The following IL1RAPL2 variants were observed in gnomAD, a reference collection of about 807,000 sequenced individuals.
The protein encoded by IL1RAPL2 is interleukin 1 receptor accessory protein like 2.
A neutral mutation model predicts 44.1 loss-of-function variants in IL1RAPL2; 3 were observed. The observed-to-expected ratio is 0.07, with a 90% CI of 0.03 to 0.18. The LOEUF is 0.18. Among genes scored for constraint, IL1RAPL2 ranks in the 10% least tolerant of loss-of-function variants. IL1RAPL2 has a pLI of 1.00. For synonymous variants in IL1RAPL2, 181 were observed against 178.8 expected, an observed-to-expected ratio of 1.01 and a Z score of -0.10; for missense variants, 391 against 496.4, an observed-to-expected ratio of 0.79 and a Z score of 2.02.
At chrX:105,461,994 A>G (rs1819025919) in intron 5 of IL1RAPL2, among the ~76,000 whole-genome samples, 1 of 111,054 alleles carries the variant, frequency 9.0e-6, no homozygotes, top group African/African-American at 3.3e-5. Flanking sequence ...GTTCTTGAAT[A>G]AGGAGGATGC....
At chrX:105,432,129 C>CTTTTTTTTTTTTTTTT (rs386417369) in intron 5 of IL1RAPL2, among the ~76,000 whole-genome samples, 1 of 44,837 alleles carries the variant, frequency 2.2e-5, no homozygotes, top group African/African-American at 9.2e-5. Context: ...TTCAATTTGC[C>CTTTTTTTTTTTTTTTT]TTTTTTTTTT....
chrX:105,431,453 CT>C (rs778311480), intron 5 of IL1RAPL2, among the ~76,000 whole-genome samples: 161 of 111,433 alleles, frequency 1.4e-3, no homozygotes, highest in African/African-American at 4.7e-3. Context: ...CATAACCTCC[CT>C]TATAGGTATT....
At chrX:105,631,258 G>T (rs934530134) in intron 6 of IL1RAPL2, among the ~76,000 whole-genome samples, 5 of 111,920 alleles carry the variant, frequency 4.5e-5, no homozygotes, top group African/African-American at 1.3e-4. Context: ...AGGCAAATAG[G>T]AGATGCCAGA....
chrX:105,548,777 C>T (rs960214610), intron 6 of IL1RAPL2, among the ~76,000 whole-genome samples: 1 of 111,590 alleles, frequency 9.0e-6, no homozygotes, highest in African/African-American at 3.3e-5. Context: ...TCATAGGTTG[C>T]TATGTGAGTT....
rs2035932585 is a variant in IL1RAPL2, at chrX:105,443,214, A to T, written c.698-41099A>T. 2.7e-5 allele frequency among the ~76,000 whole-genome samples: 3 copies of T among 112,027 alleles called. No individual in the cohort carries two copies. In the Admixed American group the frequency reaches 2.8e-4, roughly 11 times the overall value. ...TCTTTTTAAAATGTTTTAATTTTTAATTATTGTGGGTACATAGTAGCTGTA... is the reference window on the plus strand; with the variant it reads ...TCTTTTTAAAATGTTTTAATTTTTATTTATTGTGGGTACATAGTAGCTGTA... On this transcript the variant is annotated intron_variant, in intron 5 of 10. Coordinates refer to ENST00000372582, the MANE Select transcript of IL1RAPL2 (RefSeq NM_017416.2).
At position 105,012,674 on chromosome X, in the gene IL1RAPL2, C is replaced by CACACACACAGAG. The variant is rs1258556672; in HGVS notation, c.83-182800_83-182799insCACACACAGAGA. ...ACACACACACACACACACACACACA[C>CACACACACAGAG]AGAGAGAGAGAGAGAGAATAATAAA... On this transcript the variant is annotated intron_variant, in intron 2 of 10. Transcript: ENST00000372582. 2.5e-3 allele frequency among the ~76,000 whole-genome samples: 201 copies of CACACACACAGAG among 81,168 alleles called. 3 individuals carry two copies. Among genetic ancestry groups the CACACACACAGAG allele is most frequent in the African/African-American group, 0.011 (187 of 16,897 alleles). The allele number at this position is 81,168 out of a possible 115,157, so 70.5% of individuals were successfully genotyped here.
intron 6 of IL1RAPL2, among the ~76,000 whole-genome samples, chrX:105,484,754 TTAAAA>T (rs775006078): frequency 5.5e-4 from 21 of 37,965 alleles, no homozygotes; most frequent in South Asian, 2.9e-3. Context: ...CAAGCACTTC[TTAAAA>T]TAAAATACAG....
At chrX:105,289,528 C>T (rs781317176) in intron 5 of IL1RAPL2, among the ~76,000 whole-genome samples, 122 of 111,385 alleles carry the variant, frequency 1.1e-3, no homozygotes, top group East Asian at 0.011. Context: ...TTGTAGAGTT[C>T]CAGTTATATT....
At chrX:105,719,685 T>C (rs371785791) in intron 7 of IL1RAPL2, among the ~76,000 whole-genome samples, 19 of 110,391 alleles carry the variant, frequency 1.7e-4, no homozygotes, top group African/African-American at 5.3e-4. Flanking sequence ...CAAAGAATTG[T>C]ATACTTTTAA....
chrX:105,471,950 G>A (rs1602427200), intron 5 of IL1RAPL2, among the ~76,000 whole-genome samples: 1 of 110,906 alleles, frequency 9.0e-6, no homozygotes, highest in African/African-American at 3.3e-5. Context: ...AGATCAATTT[G>A]TCATAAGCTC....
chrX:105,713,206 C>T (rs62604976), intron 6 of IL1RAPL2, among the ~76,000 whole-genome samples: 9 of 111,554 alleles, frequency 8.1e-5, no homozygotes, highest in Non-Finnish European at 1.1e-4. Context: ...CTCACAGATC[C>T]GCTAGGTAGT....
At chrX:105,109,012 G>A (rs936168708) in intron 2 of IL1RAPL2, among the ~76,000 whole-genome samples, 2 of 111,445 alleles carry the variant, frequency 1.8e-5, no homozygotes, top group Admixed American at 9.5e-5. Flanking sequence ...TGGGCTTCCT[G>A]TCTCAGTGCT....
chrX:105,024,242 C>T (rs745935219), intron 2 of IL1RAPL2, among the ~76,000 whole-genome samples: 4 of 111,553 alleles, frequency 3.6e-5, no homozygotes, highest in Non-Finnish European at 5.7e-5. Context: ...GGCACTTTTC[C>T]TATACAAATT....
chrX:105,250,566 GAAA>G (rs984563860), intron 4 of IL1RAPL2, among the ~76,000 whole-genome samples: 1 of 108,539 alleles, frequency 9.2e-6, no homozygotes, highest in African/African-American at 3.3e-5. Flanking sequence ...TATTAATTAA[GAAA>G]AAAAACAAAA....
chrX:105,741,563 T>C (rs766495462), intron 8 of IL1RAPL2, among the ~76,000 whole-genome samples: 16 of 111,827 alleles, frequency 1.4e-4, no homozygotes, highest in Non-Finnish European at 5.6e-5. Context: ...GGATGGAATT[T>C]ATATTTTCCA....
intron 8 of IL1RAPL2, among the ~76,000 whole-genome samples, chrX:105,748,122 CTTTATA>C (rs2038565505): frequency 9.0e-6 from 1 of 111,509 alleles, no homozygotes; most frequent in Non-Finnish European, 1.9e-5. Flanking sequence ...ATGATACACT[CTTTATA>C]TTTATTAATA....
intron 2 of IL1RAPL2, among the ~76,000 whole-genome samples, chrX:104,676,040 T>G (rs999010894): frequency 9.2e-6 from 1 of 108,232 alleles, no homozygotes; most frequent in African/African-American, 3.4e-5. Context: ...TGATGGGTCT[T>G]GACTCTTTAT....
intron 2 of IL1RAPL2, among the ~76,000 whole-genome samples, chrX:104,846,587 A>G (rs1433960714): frequency 1.8e-5 from 2 of 111,981 alleles, no homozygotes; most frequent in Non-Finnish European, 3.8e-5. Context: ...TTCTTAATCC[A>G]GTCTATCATT....
At chrX:104,661,276 T>A (rs1157068349) in intron 2 of IL1RAPL2, among the ~76,000 whole-genome samples, 1 of 111,687 alleles carries the variant, frequency 9.0e-6, no homozygotes, top group Non-Finnish European at 1.9e-5. Context: ...AATTGTAATA[T>A]TGGAACAAAA....
Sources: gnomAD v4.1 joint callset for allele counts (sites outside exome capture counted in the v4.1 genomes callset) on GRCh38, gnomAD v4.1.1 for gene constraint, MANE v1.5 for transcripts, NCBI Gene and HGNC (gene_info 2026-07-23, HGNC 2026-07-21) for gene names.